The following CYB5R4 variants were observed in gnomAD, a reference collection of about 807,000 sequenced individuals.
The protein encoded by CYB5R4 is cytochrome b5 reductase 4, also known as N-terminal cytochrome b5 and cytochrome b5 oxidoreductase domain-containing protein.
CYB5R4 carries 55 observed loss-of-function variants against 70.2 expected under a neutral mutation model. That is an observed-to-expected ratio of 0.78 (90% confidence interval 0.63 to 0.98). The LOEUF (loss-of-function observed/expected upper bound fraction) is 0.98, where lower values mean the gene tolerates loss of function less well. Among genes scored for constraint, CYB5R4 ranks in the 50% least tolerant of loss-of-function variants. The probability of loss-of-function intolerance (pLI) is 0.00; values close to 1 mark genes in which losing one functional copy is unlikely to be tolerated. For missense variants in CYB5R4, 562 were observed against 612.6 expected, an observed-to-expected ratio of 0.92 and a Z score of 0.87; for synonymous variants, 197 against 199.5, an observed-to-expected ratio of 0.99 and a Z score of 0.11.
chr6:83,905,280 C>T (rs2099463588), intron 3 of CYB5R4, among the ~76,000 whole-genome samples: 1 of 152,252 alleles, frequency 6.6e-6, no homozygotes, highest in South Asian at 2.1e-4. Context: ...TGGTCTCCAA[C>T]TCTTGACCTC....
rs1446871277 is a variant in CYB5R4, at chr6:83,864,268, G to A, written c.169G>A (p.Val57Ile). 8.7e-6 allele frequency: 14 copies of A among 1,613,350 alleles called. No individual in the cohort carries two copies. The highest frequency in any genetic ancestry group is 1.3e-5 in the African/African-American group (1 of 74,904). ...LTGLKGRLIE[V>I]TEEELKKHNK... Reference sequence around the variant, plus strand: ...GGGATTAAAAGGCAGGTTAATTGAAGTAACTGAAGAAGAACTTAAGAAACA... The same window carrying A: ...GGGATTAAAAGGCAGGTTAATTGAAATAACTGAAGAAGAACTTAAGAAACA... Residue 57 changes from valine to isoleucine, a missense_variant, in exon 2 of 16, where the codon GTA becomes ATA. Transcript: ENST00000369681.
At chr6:83,866,145 C>T (rs1044604997) in intron 2 of CYB5R4, among the ~76,000 whole-genome samples, 1 of 152,172 alleles carries the variant, frequency 6.6e-6, no homozygotes, top group African/African-American at 2.4e-5. Flanking sequence ...TCTGTTTCTG[C>T]ACTAGGAAAC....
At chr6:83,904,154 A>C (rs185530725) in intron 3 of CYB5R4, among the ~76,000 whole-genome samples, 1 of 152,060 alleles carries the variant, frequency 6.6e-6, no homozygotes, top group Non-Finnish European at 1.5e-5. Context: ...AAATCTGTCA[A>C]CTTTTTTGGA....
At chr6:83,880,109 G>A (rs563989773) in intron 2 of CYB5R4, among the ~76,000 whole-genome samples, 3 of 152,060 alleles carry the variant, frequency 2.0e-5, no homozygotes, top group African/African-American at 7.2e-5. Flanking sequence ...TTAAATTTTT[G>A]TTTTTTATTG....
At chr6:83,873,702 C>T (rs920331507) in intron 2 of CYB5R4, among the ~76,000 whole-genome samples, 9 of 152,154 alleles carry the variant, frequency 5.9e-5, no homozygotes, top group African/African-American at 1.7e-4. Flanking sequence ...GTGTGCATTA[C>T]ACCAGGTTCT....
In CYB5R4 at chr6:83,919,896, G is replaced by A. The variant is rs140343309; in HGVS notation, c.564+442G>A. ...AGGATTGGAGAAGGTATTTCGCTGTGGCTGTGGCTTAGTATGTTTAAACCA... is the reference window on the plus strand; with the variant it reads ...AGGATTGGAGAAGGTATTTCGCTGTAGCTGTGGCTTAGTATGTTTAAACCA... On this transcript the variant is annotated intron_variant, in intron 7 of 15. Transcript: ENST00000369681. 7.3e-3 allele frequency among the ~76,000 whole-genome samples: 1,113 copies of A among 152,054 alleles called. 15 individuals are homozygous for A. Among genetic ancestry groups the A allele is most frequent in the African/African-American group, 0.025 (1,045 of 41,440 alleles).
chr6:83,892,839 T>C (rs914952877), intron 2 of CYB5R4, among the ~76,000 whole-genome samples: 5 of 149,666 alleles, frequency 3.3e-5, no homozygotes, highest in Non-Finnish European at 7.4e-5. Context: ...TCTCTCTCTC[T>C]TCCTCTCTCT....
In CYB5R4 at chr6:83,962,736, G is replaced by A. The variant is rs1487694976; in HGVS notation, c.*2858G>A. ...GATAAGAGTTCTTTCAGCCTCATTA[G>A]GTAGATTTCAGTTCCTTGCAGTTGT... On this transcript the variant is annotated 3_prime_UTR_variant, in exon 16 of 16. Coordinates refer to ENST00000369681, the MANE Select transcript of CYB5R4 (RefSeq NM_016230.4). The A allele has an allele frequency of 1.3e-5, 2 of 152,204 alleles. No individual in the cohort carries two copies. The highest frequency in any genetic ancestry group is 3.9e-4 in the East Asian group (2 of 5,188). The allele number at this position is 152,204 out of a possible 1,614,324, so 9.4% of individuals were successfully genotyped here. A position where few individuals can be genotyped will look rare whatever the true frequency, so the allele number is the denominator to read the frequency against.
intron 14 of CYB5R4, among the ~76,000 whole-genome samples, chr6:83,945,015 A>G (rs1048108654): frequency 2.6e-5 from 4 of 152,092 alleles, no homozygotes; most frequent in African/African-American, 7.2e-5. Context: ...AGACAGATCA[A>G]TGAGACAGAA....
chr6:83,897,060 G>A lies in CYB5R4; in HGVS notation c.330+3438G>A, dbSNP rs9353152. On this transcript the variant is annotated intron_variant, in intron 3 of 15. Transcript: ENST00000369681. ...TATCTCCTAATGCTATCCCTCCCCC[G>A]TCCCCCTACCTCACAACAGGCCCCG... 3.4e-3 allele frequency among the ~76,000 whole-genome samples: 504 copies of A among 147,272 alleles called. 4 individuals carry two copies. The highest frequency in any genetic ancestry group is 0.014 in the Middle Eastern group (4 of 292).
chr6:83,902,639 C>T (rs916753847), intron 3 of CYB5R4, among the ~76,000 whole-genome samples: 2 of 152,142 alleles, frequency 1.3e-5, no homozygotes, highest in South Asian at 4.1e-4. Context: ...GTTACTAATT[C>T]TTCTGATCCA....
intron 9 of CYB5R4, among the ~76,000 whole-genome samples, chr6:83,922,974 G>A (rs1588577546): frequency 1.3e-5 from 2 of 151,050 alleles, no homozygotes; most frequent in African/African-American, 2.4e-5. Flanking sequence ...TTGTAGAGAC[G>A]GGGTTTCACA....
At chr6:83,904,918 C>T (rs989102334) in intron 3 of CYB5R4, among the ~76,000 whole-genome samples, 11 of 151,918 alleles carry the variant, frequency 7.2e-5, no homozygotes, top group African/African-American at 2.7e-4. Flanking sequence ...GATCTGTTGC[C>T]AGAGAATTAT....
intron 4 of CYB5R4, among the ~76,000 whole-genome samples, chr6:83,911,026 GA>G (rs2099464601): frequency 6.6e-6 from 1 of 152,140 alleles, no homozygotes; most frequent in Non-Finnish European, 1.5e-5. Flanking sequence ...ATGAATAGAA[GA>G]AAGTAAGGTA....
chr6:83,967,194 C>T lies in CYB5R4; in HGVS notation c.*7316C>T, dbSNP rs2129148049. 1 of 152,128 alleles carries T rather than the reference C, an allele frequency of 6.6e-6. No homozygotes were observed. The highest frequency in any genetic ancestry group is 2.1e-4 in the South Asian group (1 of 4,826). 9.4% of individuals were successfully genotyped at this position (152,128 alleles called of 1,614,324 possible). On this transcript the variant is annotated 3_prime_UTR_variant, in exon 16 of 16. Transcript: ENST00000369681. ...GAAATATTGTTTTCCAAAGCCTTTC[C>T]TAAGTAATCTACAAAAGAACAAGCT...
intron 4 of CYB5R4, among the ~76,000 whole-genome samples, chr6:83,912,214 A>T (rs2099464807): frequency 6.6e-6 from 1 of 152,162 alleles, no homozygotes; most frequent in African/African-American, 2.4e-5. Context: ...CACACCAAGG[A>T]CATGTTTCTG....
At chr6:83,886,950 G>A (rs555408083) in intron 2 of CYB5R4, among the ~76,000 whole-genome samples, 3 of 152,068 alleles carry the variant, frequency 2.0e-5, no homozygotes, top group Admixed American at 6.6e-5. Context: ...TTTGTTGTGG[G>A]TTTTTAAGTT....
rs768432955 is a variant in CYB5R4 at position 83,934,721 on chromosome 6, A to G, written c.941A>G (p.Lys314Arg). The G allele has an allele frequency of 6.2e-7, 1 of 1,613,060 alleles. No homozygotes were observed. The highest frequency in any genetic ancestry group is 8.5e-7 in the Non-Finnish European group (1 of 1,179,542). ...CCCATTGGGCAACATGTTTACCTCAAGCTACCTATTACAGGTAAGGTGAAT... is the reference window on the plus strand; with the variant it reads ...CCCATTGGGCAACATGTTTACCTCAGGCTACCTATTACAGGTAAGGTGAAT... ...QVPIGQHVYL[K>R]LPITGTEIVK... is the part of the protein sequence containing the mutation. Residue 314 changes from lysine (K) to arginine (R), a missense_variant, in exon 11 of 16, where the codon AAG becomes AGG. By Grantham distance (26) the Lys-to-Arg change is conservative. Transcript: ENST00000369681.
At chr6:83,910,330 A>G (rs926822911) in intron 4 of CYB5R4, 3 of 580,892 alleles carry the variant, frequency 5.2e-6, no homozygotes, top group Admixed American at 6.1e-5. Context: ...ACTAACTGAT[A>G]GGGGAGAAGT....
Sources: gnomAD v4.1 joint callset for allele counts (sites outside exome capture counted in the v4.1 genomes callset) on GRCh38, gnomAD v4.1.1 for gene constraint, MANE v1.5 for transcripts, NCBI Gene and HGNC (gene_info 2026-07-23, HGNC 2026-07-21) for gene names.